PGM5: variants seen among roughly 807,000 people sequenced by gnomAD.
The protein encoded by PGM5 is phosphoglucomutase 5.
In PGM5, 23 loss-of-function variants were observed where a neutral mutation model predicts 59.2. The ratio of observed to expected loss-of-function variants is 0.39; its 90% CI spans 0.28 to 0.55. The LOEUF (loss-of-function observed/expected upper bound fraction) is 0.55. Among genes scored for constraint, PGM5 ranks in the 20% least tolerant of loss-of-function variants. PGM5 has a pLI of 0.66. For missense variants in PGM5, 574 were observed against 748.3 expected, an observed-to-expected ratio of 0.77 and a Z score of 2.72; for synonymous variants, 214 against 286.0, an observed-to-expected ratio of 0.75 and a Z score of 2.54.
chr9:68,377,823 C>A (rs1821960442), intron 1 of PGM5, among the ~76,000 whole-genome samples: 1 of 152,202 alleles, frequency 6.6e-6, no homozygotes, highest in East Asian at 1.9e-4. Context: ...CACTCCATTT[C>A]TTTTTTCTTG....
intron 10 of PGM5, among the ~76,000 whole-genome samples, chr9:68,529,224 G>T (rs981808581): frequency 6.6e-6 from 1 of 150,694 alleles, no homozygotes; most frequent in Non-Finnish European, 1.5e-5. Flanking sequence ...GAGGATGAGG[G>T]TGTAGCAGCA....
intron 6 of PGM5, among the ~76,000 whole-genome samples, chr9:68,434,042 C>A (rs927312149): frequency 2.0e-5 from 3 of 152,142 alleles, no homozygotes; most frequent in Non-Finnish European, 2.9e-5. Flanking sequence ...GTGGGCCAGA[C>A]GCAGTGGCTC....
intron 10 of PGM5, among the ~76,000 whole-genome samples, chr9:68,515,631 C>T (rs1490910230): frequency 6.6e-6 from 1 of 152,246 alleles, no homozygotes; most frequent in African/African-American, 2.4e-5. Flanking sequence ...CTTTCCCCCA[C>T]TGGGTGTGTC....
At chr9:68,379,763 A>G (rs368741830) in intron 2 of PGM5, among the ~76,000 whole-genome samples, 97 of 152,198 alleles carry the variant, frequency 6.4e-4, no homozygotes, top group African/African-American at 2.1e-3. Context: ...AGAAGGAGAT[A>G]TGCCATGAAA....
intron 10 of PGM5, among the ~76,000 whole-genome samples, chr9:68,511,130 G>C (rs536199241): frequency 6.6e-6 from 1 of 152,178 alleles, no homozygotes; most frequent in East Asian, 1.9e-4. Context: ...ACAGAAGGCC[G>C]ATTTCCCCCA....
intron 9 of PGM5, among the ~76,000 whole-genome samples, chr9:68,489,697 C>T (rs1254088114): frequency 5.3e-5 from 8 of 152,006 alleles, no homozygotes; most frequent in Non-Finnish European, 1.0e-4. Flanking sequence ...AAACTCCTGA[C>T]CTCAAGTGAT....
At chr9:68,418,213 TATC>T (rs1292587128) in intron 6 of PGM5, among the ~76,000 whole-genome samples, 1 of 152,164 alleles carries the variant, frequency 6.6e-6, no homozygotes, top group Non-Finnish European at 1.5e-5. Flanking sequence ...TTAGGAGTCA[TATC>T]AGCCTGCCCA....
chr9:68,440,838 C>G (rs1462346098), intron 6 of PGM5, among the ~76,000 whole-genome samples: 2 of 151,886 alleles, frequency 1.3e-5, no homozygotes, highest in Non-Finnish European at 2.9e-5. Context: ...ATAATGAAAA[C>G]AGGAAAACAA....
At chr9:68,432,919 AT>A (rs1437601942) in intron 6 of PGM5, among the ~76,000 whole-genome samples, 1 of 152,024 alleles carries the variant, frequency 6.6e-6, no homozygotes, top group African/African-American at 2.4e-5. Context: ...AATGAACCAT[AT>A]TTTTTTAAAC....
In PGM5 at chr9:68,511,545, CTTTTTTTTTTTT is replaced by C. The variant is rs3064033; in HGVS notation, c.1614+12198_1614+12209del. The stretch of plus-strand genomic sequence containing the variant: ...TTGTCACTAATGTTATTGTTTTTGC[CTTTTTTTTTTTT>C]TTTTTTTTTTTTTAGATGGAGTCTC... On this transcript the variant is annotated intron_variant, in intron 10 of 10. Coordinates refer to ENST00000396396, the MANE Select transcript of PGM5 (RefSeq NM_021965.4). Among the ~76,000 whole-genome samples the C allele has an allele frequency of 6.2e-3, 391 of 62,768 alleles. 6 individuals carry two copies. Among genetic ancestry groups the C allele is most frequent in the Middle Eastern group, 0.019 (1 of 52 alleles). 41.2% of individuals were successfully genotyped at this position (62,768 alleles called of 152,430 possible).
At chr9:68,494,807 T>TTCTTAC (rs1275580475) in intron 9 of PGM5, among the ~76,000 whole-genome samples, 2 of 152,186 alleles carry the variant, frequency 1.3e-5, no homozygotes, top group African/African-American at 4.8e-5. Flanking sequence ...GCCAGGCACT[T>TTCTTAC]TCTTAGTTTA....
At chr9:68,418,470 G>A in intron 6 of PGM5, among the ~76,000 whole-genome samples, 1 of 152,212 alleles carries the variant, frequency 6.6e-6, no homozygotes. Context: ...TTGAGGGTGT[G>A]AGAGAGAAGT....
chr9:68,408,005 A>C (rs1189978664), intron 6 of PGM5, among the ~76,000 whole-genome samples: 2 of 152,156 alleles, frequency 1.3e-5, no homozygotes, highest in African/African-American at 4.8e-5. Flanking sequence ...ACTTCAGAAA[A>C]ATTCATAACA....
Position 68,357,184 on chromosome 9 carries a change from G to C in PGM5, c.57G>C (p.Gln19His). Residue 19 changes from glutamine (Q) to histidine (H), a missense_variant, in exon 1 of 11, where the codon CAG (glutamine) becomes CAC (histidine). Transcript: ENST00000396396. The stretch of plus-strand genomic sequence containing the variant: ...TGCCCACCGCGCCCTACGAGGACCA[G>C]CGGCCGGCCGGCGGCGGGGGTCTGC... ...LTVPTAPYED[Q>H]RPAGGGGLRR... is the part of the protein sequence containing the mutation. The C allele has an allele frequency of 6.5e-7, 1 of 1,539,130 alleles. No individual in the cohort carries two copies. The highest frequency in any genetic ancestry group is 2.4e-5 in the East Asian group (1 of 40,822).
chr9:68,424,279 A>G lies in PGM5; in HGVS notation c.1043+31806A>G, dbSNP rs955505511. Among the ~76,000 whole-genome samples, 22 of 152,210 alleles carry G rather than the reference A, an allele frequency of 1.4e-4. No homozygotes were observed. In the East Asian group the frequency reaches 1.9e-3, roughly 13 times the overall value. On this transcript the variant is annotated intron_variant, in intron 6 of 10. Coordinates refer to ENST00000396396, the MANE Select transcript of PGM5 (RefSeq NM_021965.4). ...CAAAATAACACAGACAGTGTGGCTT[A>G]TGAACAACAGAAATTTATTTCTCAC...
chr9:68,385,314 G>A (rs1181997195), intron 3 of PGM5, among the ~76,000 whole-genome samples: 3 of 152,148 alleles, frequency 2.0e-5, no homozygotes, highest in Non-Finnish European at 2.9e-5. Flanking sequence ...TACTTTTTTA[G>A]TGCTTCTATA....
intron 6 of PGM5, chr9:68,396,108 AC>A (rs782674598): frequency 6.6e-6 from 1 of 152,154 alleles, no homozygotes; most frequent in Non-Finnish European, 1.5e-5. Context: ...TTCCACTTAT[AC>A]AGAATCTTAT....
chr9:68,359,514 C>T (rs1223965191), intron 1 of PGM5, among the ~76,000 whole-genome samples: 7 of 152,122 alleles, frequency 4.6e-5, no homozygotes, highest in African/African-American at 1.7e-4. Flanking sequence ...AGTGAATAGC[C>T]ATAAGGCTGG....
At chr9:68,521,224 A>G (rs1227033180) in intron 10 of PGM5, among the ~76,000 whole-genome samples, 1 of 152,242 alleles carries the variant, frequency 6.6e-6, no homozygotes, top group Admixed American at 6.5e-5. Context: ...TAGACTGTTT[A>G]GAGATTAATT....
Sources: gnomAD v4.1 joint callset for allele counts (sites outside exome capture counted in the v4.1 genomes callset) on GRCh38, gnomAD v4.1.1 for gene constraint, MANE v1.5 for transcripts, NCBI Gene and HGNC (gene_info 2026-07-23, HGNC 2026-07-21) for gene names.